KDM4B: variants seen among roughly 807,000 people sequenced by gnomAD.
The protein encoded by KDM4B is lysine demethylase 4B.
A neutral mutation model predicts 125.2 loss-of-function variants in KDM4B; 32 were observed. That is an observed-to-expected ratio of 0.26 (90% CI 0.19 to 0.34). The LOEUF (loss-of-function observed/expected upper bound fraction) is 0.34. KDM4B is among the 10% of genes least tolerant of loss of function. KDM4B has a pLI of 1.00. For synonymous variants in KDM4B, 721 were observed against 677.9 expected (o/e 1.06, Z -0.99); for missense variants, 1,190 against 1,577.7 (o/e 0.75, Z 4.16).
intron 21 of KDM4B, among the ~76,000 whole-genome samples, chr19:5,146,398 G>A (rs952929676): frequency 1.8e-4 from 28 of 152,248 alleles, no homozygotes; most frequent in African/African-American, 6.8e-4. Context: ...TGGTTTCGGG[G>A]ACAAGCCATC....
intron 2 of KDM4B, among the ~76,000 whole-genome samples, chr19:5,018,567 T>C (rs1035333281): frequency 3.9e-5 from 6 of 152,204 alleles, no homozygotes; most frequent in African/African-American, 1.4e-4. Flanking sequence ...AGTTAACTTT[T>C]ACTGAGAGGA....
chr19:5,119,990 G>T (rs2039331040), intron 11 of KDM4B, 138 bp downstream of exon 11: 2 of 1,139,158 alleles, frequency 1.8e-6, no homozygotes, highest in Non-Finnish European at 2.4e-6. Flanking sequence ...GCCAGGGTGG[G>T]GCATTTCGTG....
At chr19:5,151,297 TC>T in intron 22 of KDM4B, 37 bp from the exon 23 acceptor site, 2 of 1,433,378 alleles carry the variant, frequency 1.4e-6, no homozygotes, top group Non-Finnish European at 9.2e-7. Flanking sequence ...ACAGAGTGTC[TC>T]CACCGTGCTA....
chr19:5,120,728 A>G (rs2039345001), intron 11 of KDM4B, among the ~76,000 whole-genome samples: 1 of 152,144 alleles, frequency 6.6e-6, no homozygotes, highest in African/African-American at 2.4e-5. Flanking sequence ...GAGTCTGTGC[A>G]AAGTGGCTGT....
chr19:5,126,485 A>G (rs1215559291), intron 11 of KDM4B, among the ~76,000 whole-genome samples: 1 of 152,186 alleles, frequency 6.6e-6, no homozygotes, highest in African/African-American at 2.4e-5. Context: ...ATGGGGACCC[A>G]GGAGGGCTGG....
intron 17 of KDM4B, 78 bp from the exon 18 acceptor site, chr19:5,137,884 C>A: frequency 7.7e-7 from 1 of 1,295,572 alleles, no homozygotes; most frequent in Non-Finnish European, 1.1e-6. Context: ...CAGCCGACAG[C>A]CACATCACGC....
chr19:5,022,013 TGTGTGATC>T (rs1218371914), intron 2 of KDM4B, among the ~76,000 whole-genome samples: 4 of 152,148 alleles, frequency 2.6e-5, no homozygotes, highest in Non-Finnish European at 5.9e-5. Context: ...GCAGGGGCAA[TGTGTGATC>T]GTCCGTTTGT....
At chr19:5,037,380 C>T (rs535564205) in intron 3 of KDM4B, among the ~76,000 whole-genome samples, 12 of 152,190 alleles carry the variant, frequency 7.9e-5, no homozygotes, top group Admixed American at 5.9e-4. Context: ...TTCTGTTTCT[C>T]GCCTTTCCAC....
At chr19:5,009,547 G>A (rs1379509082) in intron 1 of KDM4B, among the ~76,000 whole-genome samples, 4 of 152,138 alleles carry the variant, frequency 2.6e-5, no homozygotes, top group Admixed American at 1.3e-4. Flanking sequence ...AGGTCCAGGT[G>A]GTTGTTTGGT....
At chr19:5,061,799 T>C (rs1268296376) in intron 6 of KDM4B, among the ~76,000 whole-genome samples, 1 of 151,268 alleles carries the variant, frequency 6.6e-6, no homozygotes, top group Non-Finnish European at 1.5e-5. Context: ...AGCCTGGGAA[T>C]TTGAGGCTGC....
intron 9 of KDM4B, among the ~76,000 whole-genome samples, chr19:5,089,322 A>G (rs1376243488): frequency 6.6e-6 from 1 of 152,148 alleles, no homozygotes; most frequent in Non-Finnish European, 1.5e-5. Flanking sequence ...CCTGTGGCCT[A>G]GCGGTTCTGT....
At chr19:4,993,650 G>T (rs2035100077) in intron 1 of KDM4B, among the ~76,000 whole-genome samples, 1 of 148,536 alleles carries the variant, frequency 6.7e-6, no homozygotes, top group Non-Finnish European at 1.5e-5. Context: ...TTGCACTTTT[G>T]CCCAGTCTGG....
At position 5,137,903 on chromosome 19, in the gene KDM4B, T is replaced by A. The variant is rs2039677699; in HGVS notation, c.2442-59T>A. 4 of 1,451,668 alleles carry A rather than the reference T, an allele frequency of 2.8e-6. No homozygotes were observed. In the Admixed American group the frequency reaches 7.5e-5, roughly 27 times the overall value. 89.9% of individuals were successfully genotyped at this position (1,451,668 alleles called of 1,614,324 possible). ...CGACAGCCACATCACGCCCAGCCCC[T>A]CTGTGACCAGCCCAGGTCCTCAGAG... On this transcript the variant is annotated intron_variant, in intron 17 of 22. Transcript: ENST00000159111.
intron 1 of KDM4B, among the ~76,000 whole-genome samples, chr19:4,993,051 T>C (rs191647501): frequency 2.0e-5 from 3 of 152,266 alleles, no homozygotes; most frequent in Admixed American, 6.5e-5. Flanking sequence ...TAGATTCTTT[T>C]GGCTTATAGT....
At chr19:5,131,567 A>AGGTGGGGTGGGGCAG in intron 12 of KDM4B, 22 bp downstream of exon 12, 2 of 304,066 alleles carry the variant, frequency 6.6e-6, no homozygotes, top group Non-Finnish European at 1.3e-5. Flanking sequence ...CGGGGGAGGC[A>AGGTGGGGTGGGGCAG]GGGAGGAGGG....
intron 11 of KDM4B, among the ~76,000 whole-genome samples, chr19:5,128,695 C>T (rs894129869): frequency 3.3e-5 from 5 of 152,100 alleles, no homozygotes; most frequent in African/African-American, 1.2e-4. Context: ...CTCCCCTCTG[C>T]ATCTCCACGC....
rs527532136 is a variant in KDM4B, at chr19:5,084,258, G to A, written c.918+1754G>A. On this transcript the variant is annotated intron_variant, in intron 9 of 22. Transcript: ENST00000159111. The stretch of plus-strand genomic sequence containing the variant: ...GCGAAACTGTCTCAAAAAAAAATAC[G>A]TATTTATATATTATATATGTAATTT... Among the ~76,000 whole-genome samples, 162 of 145,830 alleles carry A rather than the reference G, an allele frequency of 1.1e-3. 3 individuals are homozygous for A. The highest frequency in any genetic ancestry group is 1.1e-3 in the Non-Finnish European group (72 of 66,992).
In KDM4B at chr19:5,141,769, C is replaced by G. The variant is rs1413986952; in HGVS notation, c.2551-2198C>G. Among the ~76,000 whole-genome samples, 1 of 152,202 alleles carries G rather than the reference C, an allele frequency of 6.6e-6. No homozygotes were observed. Among genetic ancestry groups the G allele is most frequent in the Non-Finnish European group, 1.5e-5 (1 of 68,034 alleles). ...TTCTCAAGGCCGTGCTGCTGAGAAG[C>G]TTCTCACCTACCGGCTGGGCAGGTT... On this transcript the variant is annotated intron_variant, in intron 18 of 22. Coordinates refer to ENST00000159111, the MANE Select transcript of KDM4B (RefSeq NM_015015.3). This position sits in a 1 kb window ranked among gnomAD's most constrained non-coding sequence, Gnocchi z 6.4.
In KDM4B at chr19:5,114,229, C is replaced by T. The variant is rs2039211123; in HGVS notation, c.1115+3411C>T. 1.6e-6 allele frequency: 2 copies of T among 1,289,128 alleles called. No individual in the cohort carries two copies. Among genetic ancestry groups the T allele is most frequent in the South Asian group, 1.2e-5 (1 of 81,020 alleles). The allele number at this position is 1,289,128 out of a possible 1,614,324, so 79.9% of individuals were successfully genotyped here. A position where few individuals can be genotyped will look rare whatever the true frequency, so the allele number is the denominator to read the frequency against. On this transcript the variant is annotated intron_variant, in intron 10 of 22. Transcript: ENST00000159111. The surrounding 1 kb of genome is among the most constrained non-coding windows in gnomAD (Gnocchi z 5.8). Reference sequence around the variant, plus strand: ...GTGCACGTGCTCCAGCAGGTACGCGCTCCCTGCAGGACATCTGTGCACCCG... The same window carrying T: ...GTGCACGTGCTCCAGCAGGTACGCGTTCCCTGCAGGACATCTGTGCACCCG...
Sources: gnomAD v4.1 joint callset for allele counts (sites outside exome capture counted in the v4.1 genomes callset) on GRCh38, gnomAD v4.1.1 for gene constraint, Gnocchi (gnomAD v3.1) non-coding constraint, MANE v1.5 for transcripts, NCBI Gene and HGNC (gene_info 2026-07-23, HGNC 2026-07-21) for gene names.